Variants in CMSS1 observed in about 807,000 individuals in gnomAD.
The protein encoded by CMSS1 is protein CMSS1.
A neutral mutation model predicts 43.5 loss-of-function variants in CMSS1; 33 were observed. The ratio of observed to expected loss-of-function variants is 0.76; its 90% CI spans 0.57 to 1.01. CMSS1 has a LOEUF of 1.01. Among genes scored for constraint, CMSS1 ranks in the 50% least tolerant of loss-of-function variants. The pLI, the probability that CMSS1 is intolerant of heterozygous loss-of-function variation, is 0.00. For missense variants in CMSS1, 313 were observed against 326.4 expected, an observed-to-expected ratio of 0.96 and a Z score of 0.32; for synonymous variants, 115 against 117.2, an observed-to-expected ratio of 0.98 and a Z score of 0.12.
intron 1 of CMSS1, among the ~76,000 whole-genome samples, chr3:99,903,978 G>A (rs550080105): frequency 6.6e-6 from 1 of 152,284 alleles, no homozygotes; most frequent in Non-Finnish European, 1.5e-5. Flanking sequence ...AGCTAATTGA[G>A]TTAAGCAAGA....
chr3:100,007,986 T>A (rs1710037126), intron 1 of CMSS1, among the ~76,000 whole-genome samples: 1 of 152,152 alleles, frequency 6.6e-6, no homozygotes, highest in South Asian at 2.1e-4. Flanking sequence ...TCCCTGGGAA[T>A]TATAGGTTAT....
intron 1 of CMSS1, among the ~76,000 whole-genome samples, chr3:99,973,121 C>A (rs909064868): frequency 1.3e-5 from 2 of 152,082 alleles, no homozygotes; most frequent in Non-Finnish European, 2.9e-5. Context: ...AATGAGGCCA[C>A]CTGAATAATA....
chr3:100,026,872 C>G (rs2064932049), intron 1 of CMSS1, among the ~76,000 whole-genome samples: 1 of 152,108 alleles, frequency 6.6e-6, no homozygotes, highest in African/African-American at 2.4e-5. Context: ...CACAATCCTC[C>G]AAAGTCTCCG....
intron 1 of CMSS1, among the ~76,000 whole-genome samples, chr3:100,034,950 G>A (rs1167972631): frequency 6.6e-6 from 1 of 152,094 alleles, no homozygotes; most frequent in Non-Finnish European, 1.5e-5. Context: ...AGTTGTTTAA[G>A]TATCAAAAAA....
Position 100,132,011 on chromosome 3 carries a change from T to C in CMSS1, c.65-14962T>C, listed in dbSNP as rs2066713004. Among the ~76,000 whole-genome samples the C allele has an allele frequency of 2.0e-5, 3 of 152,344 alleles. 1 individual carries two copies. Among genetic ancestry groups the C allele is most frequent in the African/African-American group, 7.2e-5 (3 of 41,578 alleles). On this transcript the variant is annotated intron_variant, in intron 1 of 9. Coordinates refer to ENST00000421999, the MANE Select transcript of CMSS1 (RefSeq NM_032359.4). ...TTATGTACTTTGAAATAGAGATAAT[T>C]TTTCTAAGCATAACTGCAATGAAAA...
intron 1 of CMSS1, among the ~76,000 whole-genome samples, chr3:99,987,402 A>C (rs1409138208): frequency 6.6e-6 from 1 of 150,778 alleles, no homozygotes; most frequent in Non-Finnish European, 1.5e-5. Flanking sequence ...GGTGGCATAC[A>C]CCTGTTATCT....
Position 100,021,960 on chromosome 3 carries a change from TGAGA to T in CMSS1, c.65-124982_65-124979del, listed in dbSNP as rs61630053. Among the ~76,000 whole-genome samples the T allele has an allele frequency of 8.2e-3, 765 of 93,102 alleles. 8 individuals carry two copies. The highest frequency in any genetic ancestry group is 0.025 in the African/African-American group (613 of 24,696). 61.1% of individuals were successfully genotyped at this position (93,102 alleles called of 152,430 possible). A position where few individuals can be genotyped will look rare whatever the true frequency, so the allele number is the denominator to read the frequency against. On this transcript the variant is annotated intron_variant, in intron 1 of 9. Coordinates refer to ENST00000421999, the MANE Select transcript of CMSS1 (RefSeq NM_032359.4). ...GTGTGTGTGTGTGTGTGTGTGTGTG[TGAGA>T]GAGAGAGAGAGAGAGAGAGAGAGAG...
chr3:99,942,394 G>A (rs1467486114), intron 1 of CMSS1, among the ~76,000 whole-genome samples: 1 of 152,076 alleles, frequency 6.6e-6, no homozygotes, highest in Non-Finnish European at 1.5e-5. Flanking sequence ...AAATAAATAT[G>A]GCAAAATATT....
intron 1 of CMSS1, among the ~76,000 whole-genome samples, chr3:99,971,788 A>G (rs1421233797): frequency 6.6e-6 from 1 of 152,214 alleles, no homozygotes; most frequent in Non-Finnish European, 1.5e-5. Flanking sequence ...CCATTCCCAT[A>G]AAAGAGAACA....
At chr3:99,948,710 G>C (rs1708087613) in intron 1 of CMSS1, among the ~76,000 whole-genome samples, 1 of 149,338 alleles carries the variant, frequency 6.7e-6, no homozygotes, top group African/African-American at 2.5e-5. Context: ...GAAAGGGAGA[G>C]GAAGGGAAAG....
At chr3:100,091,216 C>T (rs1237701944) in intron 1 of CMSS1, among the ~76,000 whole-genome samples, 7 of 148,120 alleles carry the variant, frequency 4.7e-5, no homozygotes, top group Non-Finnish European at 1.0e-4. Flanking sequence ...ACCTGGAAGG[C>T]GGAACTTGCA....
chr3:100,087,788 T>C (rs1559753154), intron 1 of CMSS1, among the ~76,000 whole-genome samples: 1 of 151,926 alleles, frequency 6.6e-6, no homozygotes, highest in African/African-American at 2.4e-5. Context: ...CTAAGGAATC[T>C]TTTCCTAACA....
chr3:100,017,209 A>G (rs951409561), intron 1 of CMSS1, among the ~76,000 whole-genome samples: 6 of 152,238 alleles, frequency 3.9e-5, no homozygotes, highest in African/African-American at 1.4e-4. Flanking sequence ...ATTAAGCTGA[A>G]AATGAATCGA....
intron 1 of CMSS1, among the ~76,000 whole-genome samples, chr3:99,878,337 A>T (rs772067535): frequency 6.2e-4 from 95 of 152,358 alleles, no homozygotes; most frequent in Non-Finnish European, 1.2e-3. Flanking sequence ...TTTTGATGTG[A>T]TATGATCCAT....
chr3:100,070,700 C>T (rs1462798011), intron 1 of CMSS1, among the ~76,000 whole-genome samples: 1 of 152,136 alleles, frequency 6.6e-6, no homozygotes, highest in Non-Finnish European at 1.5e-5. Flanking sequence ...GGCGCAATCT[C>T]GGCTCACTGC....
chr3:100,096,001 A>C (rs1291296462), intron 1 of CMSS1, among the ~76,000 whole-genome samples: 1 of 152,182 alleles, frequency 6.6e-6, no homozygotes, highest in Non-Finnish European at 1.5e-5. Context: ...CATACAGATG[A>C]CAAACAGGCA....
chr3:99,904,372 A>G (rs531800056), intron 1 of CMSS1, among the ~76,000 whole-genome samples: 1 of 152,346 alleles, frequency 6.6e-6, no homozygotes, highest in African/African-American at 2.4e-5. Flanking sequence ...CAGTAGTAGA[A>G]TCTGCCTGGC....
At chr3:100,175,451 C>T (rs1029496138) in intron 8 of CMSS1, among the ~76,000 whole-genome samples, 1 of 152,086 alleles carries the variant, frequency 6.6e-6, no homozygotes, top group African/African-American at 2.4e-5. Context: ...TTCCTGAGAG[C>T]AGTTATATTA....
At chr3:100,079,257 A>G (rs1287682893) in intron 1 of CMSS1, among the ~76,000 whole-genome samples, 1 of 152,220 alleles carries the variant, frequency 6.6e-6, no homozygotes, top group African/African-American at 2.4e-5. Flanking sequence ...AAGAGTTACT[A>G]TCGATGCTTT....
Sources: gnomAD v4.1 joint callset for allele counts (sites outside exome capture counted in the v4.1 genomes callset) on GRCh38, gnomAD v4.1.1 for gene constraint, MANE v1.5 for transcripts, NCBI Gene and HGNC (gene_info 2026-07-23, HGNC 2026-07-21) for gene names.